The following PPP1R2 variants were observed in gnomAD, a reference collection of about 807,000 sequenced individuals.
PPP1R2 encodes the protein protein phosphatase 1 regulatory inhibitor subunit 2, also known as protein phosphatase inhibitor 2.
PPP1R2 carries 16 observed loss-of-function variants against 29.9 expected under a neutral mutation model. That is an observed-to-expected ratio of 0.53 (90% confidence interval 0.36 to 0.81). The LOEUF is 0.81. PPP1R2 is among the 30% of genes least tolerant of loss of function. The pLI is 0.00. For synonymous variants in PPP1R2, 76 were observed against 91.5 expected (o/e 0.83, Z 0.96); for missense variants, 197 against 252.7 (o/e 0.78, Z 1.49).
At chr3:195,522,068 T>A (rs1356692923) in intron 4 of PPP1R2, among the ~76,000 whole-genome samples, 1 of 152,236 alleles carries the variant, frequency 6.6e-6, no homozygotes, top group African/African-American at 2.4e-5. Context: ...TGGGGGAATA[T>A]CTTAAGTTGT....
rs539189403 is a variant in PPP1R2, at chr3:195,532,655, C to T, written c.123-2754G>A. 3.9e-5 allele frequency among the ~76,000 whole-genome samples: 6 copies of T among 152,080 alleles called. No individual in the cohort carries two copies. The East Asian group carries it at 9.7e-4, about 25-fold the overall frequency. ...CTCTTGGACTCTATTTATAGTTGACCCTTGAATATTATGAGTTTGAACTGT... is the reference window on the plus strand; with the variant it reads ...CTCTTGGACTCTATTTATAGTTGACTCTTGAATATTATGAGTTTGAACTGT... On this transcript the variant is annotated intron_variant, in intron 1 of 5. Transcript: ENST00000618156.
At position 195,524,981 on chromosome 3, in the gene PPP1R2, C is replaced by T. The variant is rs1718910996; in HGVS notation, c.231-85G>A. The T allele has an allele frequency of 2.7e-6, 3 of 1,094,566 alleles. No homozygotes were observed. The South Asian group carries it at 3.8e-5, about 14-fold the overall frequency. 67.8% of individuals were successfully genotyped at this position (1,094,566 alleles called of 1,614,324 possible). On this transcript the variant is annotated intron_variant, in intron 2 of 5. Coordinates refer to ENST00000618156, the MANE Select transcript of PPP1R2 (RefSeq NM_006241.8). ...AAGGGAGAAAAACAATTCCATCAAC[C>T]TACTTAACATATCAATATATTTATA...
intron 1 of PPP1R2, among the ~76,000 whole-genome samples, chr3:195,537,480 A>AG (rs1719434727): frequency 2.4e-4 from 7 of 29,428 alleles, no homozygotes; most frequent in Admixed American, 9.0e-4. Context: ...AGGATTAGCT[A>AG]TTGTGTGTGT....
chr3:195,526,551 A>G (rs1001861067), intron 2 of PPP1R2, among the ~76,000 whole-genome samples: 1 of 152,216 alleles, frequency 6.6e-6, no homozygotes, highest in African/African-American at 2.4e-5. Flanking sequence ...TGAATGGCAA[A>G]TATCTACCAT....
intron 2 of PPP1R2, 78 bp downstream of exon 2, chr3:195,529,716 T>C: frequency 9.8e-7 from 1 of 1,016,624 alleles, no homozygotes. Flanking sequence ...CAAATTCAAA[T>C]AGGCTGTTAT....
intron 1 of PPP1R2, among the ~76,000 whole-genome samples, chr3:195,540,777 C>T (rs1577587054): frequency 6.6e-6 from 1 of 152,154 alleles, no homozygotes; most frequent in Non-Finnish European, 1.5e-5. Flanking sequence ...CCAGCAAAAA[C>T]GCTCTCACCA....
chr3:195,526,180 C>G (rs1289877792), intron 2 of PPP1R2, among the ~76,000 whole-genome samples: 1 of 151,812 alleles, frequency 6.6e-6, no homozygotes, highest in Non-Finnish European at 1.5e-5. Flanking sequence ...ACTACAGCCT[C>G]AATTTCCCGG....
At chr3:195,528,068 A>G (rs2641358) in intron 2 of PPP1R2, among the ~76,000 whole-genome samples, 123,013 of 151,962 alleles carry the variant, frequency 0.81, 50,087 homozygotes, top group East Asian at 0.99. Flanking sequence ...CTTCAGTGGT[A>G]ATTGCTGAGA....
intron 1 of PPP1R2, among the ~76,000 whole-genome samples, chr3:195,538,321 G>A (rs1456187386): frequency 3.3e-5 from 5 of 152,204 alleles, no homozygotes; most frequent in Non-Finnish European, 5.9e-5. Flanking sequence ...ACTGTGTCTG[G>A]AATGGGAAGC....
chr3:195,521,929 G>A (rs1234466034), intron 4 of PPP1R2, among the ~76,000 whole-genome samples: 2 of 152,134 alleles, frequency 1.3e-5, no homozygotes, highest in African/African-American at 2.4e-5. Flanking sequence ...GGGATTACAG[G>A]CATAAGCCAC....
chr3:195,528,147 C>T (rs1030411024), intron 2 of PPP1R2, among the ~76,000 whole-genome samples: 1 of 152,040 alleles, frequency 6.6e-6, no homozygotes, highest in Non-Finnish European at 1.5e-5. Flanking sequence ...CCTCAACCCC[C>T]TCTCACCCCT....
intron 4 of PPP1R2, among the ~76,000 whole-genome samples, chr3:195,521,624 T>C (rs1718766470): frequency 6.6e-6 from 1 of 152,132 alleles, no homozygotes; most frequent in Non-Finnish European, 1.5e-5. Context: ...CCAGTGTTTT[T>C]GAAACTGTGC....
At chr3:195,532,796 A>G (rs1719237619) in intron 1 of PPP1R2, among the ~76,000 whole-genome samples, 1 of 152,214 alleles carries the variant, frequency 6.6e-6, no homozygotes, top group South Asian at 2.1e-4. Flanking sequence ...TATTTAAAAA[A>G]ACCTTAAAAG....
intron 2 of PPP1R2, among the ~76,000 whole-genome samples, chr3:195,528,125 T>C (rs2108945544): frequency 6.6e-6 from 1 of 152,172 alleles, no homozygotes; most frequent in South Asian, 2.1e-4. Flanking sequence ...ACCCAATGTG[T>C]AGTCTTTTAT....
chr3:195,523,283 G>A, intron 4 of PPP1R2: 1 of 199,480 alleles, frequency 5.0e-6, no homozygotes, highest in South Asian at 8.4e-5. Context: ...GATCATCTTG[G>A]TTCATTTGTT....
chr3:195,533,606 G>A (rs1356799089), intron 1 of PPP1R2, among the ~76,000 whole-genome samples: 1 of 152,180 alleles, frequency 6.6e-6, no homozygotes, highest in Non-Finnish European at 1.5e-5. Flanking sequence ...ACCTTAGATG[G>A]AGCTCTGCAA....
At chr3:195,530,691 A>G (rs1719146218) in intron 1 of PPP1R2, among the ~76,000 whole-genome samples, 2 of 151,802 alleles carry the variant, frequency 1.3e-5, no homozygotes, top group East Asian at 3.9e-4. Flanking sequence ...ACGCCCAGCT[A>G]ATTTTTGTAT....
intron 1 of PPP1R2, among the ~76,000 whole-genome samples, chr3:195,536,628 A>C (rs371538411): frequency 6.6e-6 from 1 of 151,990 alleles, no homozygotes; most frequent in Admixed American, 6.6e-5. Flanking sequence ...GTCTCTACTA[A>C]AATACAAAAA....
rs1205133076 is a variant in PPP1R2 at position 195,538,342 on chromosome 3, T to C, written c.122+4562A>G. Among the ~76,000 whole-genome samples the C allele has an allele frequency of 2.0e-5, 3 of 152,238 alleles. No individual in the cohort carries two copies. In the East Asian group the frequency reaches 5.8e-4, roughly 29 times the overall value. On this transcript the variant is annotated intron_variant, in intron 1 of 5. Transcript: ENST00000618156. ...TCTGGAATGGGAAGCAAGATTTTGC[T>C]TCAAGGTGATTTAACTTTAATTGCA... is the stretch of plus-strand genomic sequence containing the variant.
Sources: gnomAD v4.1 joint callset for allele counts (sites outside exome capture counted in the v4.1 genomes callset) on GRCh38, gnomAD v4.1.1 for gene constraint, MANE v1.5 for transcripts, NCBI Gene and HGNC (gene_info 2026-07-23, HGNC 2026-07-21) for gene names.